Variants in GPRC5B observed in about 807,000 individuals in gnomAD.
GPRC5B encodes the protein G protein-coupled receptor class C group 5 member B, also known as G protein-coupled receptor family C group 5 member B.
Under a neutral mutation model 30.1 loss-of-function variants are expected in GPRC5B, and 16 were observed. That is an observed-to-expected ratio of 0.53 (90% CI 0.36 to 0.81). The LOEUF is 0.81. Ranked by LOEUF, GPRC5B falls within the 30% of genes least tolerant of loss-of-function variation. GPRC5B has a pLI of 0.01. For synonymous variants in GPRC5B, 241 were observed against 239.5 expected (o/e 1.01, Z -0.06); for missense variants, 428 against 544.7 (o/e 0.79, Z 2.13).
At chr16:19,883,738 C>T (rs578057413) in intron 1 of GPRC5B, among the ~76,000 whole-genome samples, 7 of 152,378 alleles carry the variant, frequency 4.6e-5, no homozygotes, top group Admixed American at 2.0e-4. Flanking sequence ...GAGCCGCCCC[C>T]TTAGCGAACG....
chr16:19,876,107 G>T (rs936092297), intron 1 of GPRC5B, among the ~76,000 whole-genome samples: 18 of 152,340 alleles, frequency 1.2e-4, no homozygotes, highest in African/African-American at 4.1e-4. Context: ...CAGCCCCAGG[G>T]TGGCTGGGAG....
intron 2 of GPRC5B, among the ~76,000 whole-genome samples, chr16:19,871,522 T>C (rs1044231504): frequency 3.9e-5 from 6 of 152,158 alleles, no homozygotes; most frequent in Admixed American, 2.6e-4. Context: ...CTTGGGAGGC[T>C]GAGACAGCAG....
rs1216204335 is a variant in GPRC5B, at chr16:19,872,104, C to T, written c.742G>A (p.Val248Met). The change falls in exon 2 of 4, where the codon GTG becomes ATG. Residue 248 changes from valine (V) to methionine (M), a missense_variant. By Grantham distance (21) the Val-to-Met change is conservative. Transcript: ENST00000300571. The surrounding 1 kb of genome is among the most constrained non-coding windows in gnomAD (Gnocchi z 5.0). ...AAGAGGTACATGGTCATCCAGGCCACCCAGATGAGCACAGAGAGGAAGGCT... is the reference window on the plus strand; with the variant it reads ...AAGAGGTACATGGTCATCCAGGCCATCCAGATGAGCACAGAGAGGAAGGCT... ...ITAFLSVLIW[V>M]AWMTMYLFGN... 8.7e-6 allele frequency: 14 copies of T among 1,614,128 alleles called. No homozygotes were observed. Among genetic ancestry groups the T allele is most frequent in the Non-Finnish European group, 1.2e-5 (14 of 1,180,010 alleles).
At position 19,872,958 on chromosome 16, in the gene GPRC5B, G is replaced by T. The variant is rs1597630267; in HGVS notation, c.-1-112C>A. 1 of 755,640 alleles carries T rather than the reference G, an allele frequency of 1.3e-6. No homozygotes were observed. Among genetic ancestry groups the T allele is most frequent in the Non-Finnish European group, 2.2e-6 (1 of 456,176 alleles). The allele number at this position is 755,640 out of a possible 1,614,324, so 46.8% of individuals were successfully genotyped here. On this transcript the variant is annotated intron_variant, in intron 1 of 3. Coordinates refer to ENST00000300571, the MANE Select transcript of GPRC5B (RefSeq NM_016235.3). The surrounding 1 kb of genome is among the most constrained non-coding windows in gnomAD (Gnocchi z 5.0). The stretch of plus-strand genomic sequence containing the variant: ...CTCGCCTCATTTCAAACCTGCAAGC[G>T]CACACGGCACCTTTGCACACATAGG...
In GPRC5B at chr16:19,871,914, G is replaced by A. The variant is rs1007062914; in HGVS notation, c.932C>T (p.Ser311Leu). ...GGCCGTCTCCCGCATCCTGGGCTGC[G>A]ACGTGTCGAAGTAGTTGGGCGTGTT... ...QENTPNYFDT[S>L]QPRMRETAFE... Residue 311 changes from serine (S) to leucine (L), a missense_variant, in exon 2 of 4, where the codon TCG becomes TTG. Around this residue, in one of 3 missense-constraint regions of GPRC5B, gnomAD observed 213 missense variants for 229.1 expected, o/e 0.93. Transcript: ENST00000300571. 27 of 1,613,920 alleles carry A rather than the reference G, an allele frequency of 1.7e-5. No individual in the cohort carries two copies. The Admixed American group carries it at 1.8e-4, about 11-fold the overall frequency.
At chr16:19,885,601 C>T (rs543340385), upstream of GPRC5B, 17 of 1,036,546 alleles carry the variant, frequency 1.6e-5, no homozygotes, top group African/African-American at 3.4e-5. This position sits in a 1 kb window ranked among gnomAD's most constrained non-coding sequence, Gnocchi z 5.3. Flanking sequence ...ACATCACCCA[C>T]GTACGCACAT....
chr16:19,864,663 A>G (rs2056652564), intron 2 of GPRC5B, among the ~76,000 whole-genome samples: 1 of 152,252 alleles, frequency 6.6e-6, no homozygotes, highest in South Asian at 2.1e-4. Context: ...AACTGGGCCA[A>G]CCATAGCTCC....
In GPRC5B at chr16:19,861,854, C is replaced by T. The variant is rs549155662; in HGVS notation, c.1150G>A (p.Val384Met). ...ATACTTACGGTCCCACCGTTGAGCA[C>T]GACGGCCATCTCAGTTGGCTGATAC... ...NVYQPTEMAV[V>M]LNGGTIPTAP... The change falls in exon 3 of 4, where the codon GTG becomes ATG. Residue 384 changes from valine (V) to methionine (M), a missense_variant. Around this residue, in one of 3 missense-constraint regions of GPRC5B, gnomAD observed 19 missense variants for 43.1 expected, o/e 0.44. Transcript: ENST00000300571. The T allele has an allele frequency of 1.2e-5, 20 of 1,613,464 alleles. No individual in the cohort carries two copies. In the South Asian group the frequency reaches 1.6e-4, roughly 13 times the overall value.
intron 2 of GPRC5B, among the ~76,000 whole-genome samples, chr16:19,870,976 G>GA (rs35934193): frequency 1.2e-4 from 18 of 146,776 alleles, no homozygotes; most frequent in South Asian, 4.4e-4. Context: ...AATTGGTAGG[G>GA]AAAAAAAAAA....
Position 19,858,217 on chromosome 16 carries a change from TCTCA to T in GPRC5B, c.*2279_*2282del, listed in dbSNP as rs1395051118. On this transcript the variant is annotated 3_prime_UTR_variant, in exon 4 of 4. Coordinates refer to ENST00000300571, the MANE Select transcript of GPRC5B (RefSeq NM_016235.3). Reference sequence around the variant, plus strand: ...AAAAGAACAGCTCTCTCCCTTCTCCTCTCACTCCCGCCTCCGCCCCCATTATGAA... The same window carrying T: ...AAAAGAACAGCTCTCTCCCTTCTCCTCTCCCGCCTCCGCCCCCATTATGAA... 2.9e-6 allele frequency: 1 copy of T among 342,750 alleles called. No individual in the cohort carries two copies. Among genetic ancestry groups the T allele is most frequent in the African/African-American group, 2.1e-5 (1 of 47,500 alleles). The allele number at this position is 342,750 out of a possible 1,614,324, so 21.2% of individuals were successfully genotyped here.
At chr16:19,877,849 C>T (rs1478966608) in intron 1 of GPRC5B, among the ~76,000 whole-genome samples, 2 of 152,160 alleles carry the variant, frequency 1.3e-5, no homozygotes, top group East Asian at 3.9e-4. Context: ...TTTTACTACA[C>T]ACTAGAGTCC....
Position 19,857,596 on chromosome 16 carries a change from C to G in GPRC5B, c.*2904G>C. 1 of 339,862 alleles carries G rather than the reference C, an allele frequency of 2.9e-6. No individual in the cohort carries two copies. The highest frequency in any genetic ancestry group is 5.5e-6 in the Non-Finnish European group (1 of 180,984). 21.1% of individuals were successfully genotyped at this position (339,862 alleles called of 1,614,324 possible). ...AGCACCTGCTGAGAACTCCTGTAAG[C>G]TGGTATCATCATTGCATCATTGGAT... On this transcript the variant is annotated 3_prime_UTR_variant, in exon 4 of 4. Coordinates refer to ENST00000300571, the MANE Select transcript of GPRC5B (RefSeq NM_016235.3).
intron 3 of GPRC5B, 52 bp downstream of exon 3, chr16:19,861,785 G>A (rs2074427): frequency 0.085 from 131,051 of 1,544,466 alleles, 7,923 homozygotes; most frequent in East Asian, 0.24. Context: ...GCTGCTCCCC[G>A]ACACCGTAGA....
intron 2 of GPRC5B, among the ~76,000 whole-genome samples, chr16:19,871,272 A>G (rs1437412183): frequency 2.6e-5 from 3 of 116,772 alleles, no homozygotes; most frequent in Non-Finnish European, 5.2e-5. Context: ...ACAGAACAAG[A>G]CCCTGTCTCA....
chr16:19,876,029 A>C (rs1307379605), intron 1 of GPRC5B, among the ~76,000 whole-genome samples: 1 of 152,198 alleles, frequency 6.6e-6, no homozygotes, highest in Non-Finnish European at 1.5e-5. Flanking sequence ...ATCAATGGCC[A>C]GCTCAGTTAA....
At position 19,872,536 on chromosome 16, in the gene GPRC5B, G is replaced by C. The variant is rs1364039186; in HGVS notation, c.310C>G (p.Leu104Val). The C allele has an allele frequency of 1.9e-6, 3 of 1,613,938 alleles. No homozygotes were observed. The highest frequency in any genetic ancestry group is 3.3e-5 in the Admixed American group (2 of 60,004). ...GCAAACGTCAGCCCAAAGAGGCCCA[G>C]GGTCCCCAGGAGGAACAGAAAGTGG... ...GLHFLFLLGTLGLFGLTFAFI... is the reference protein window; with the variant it reads ...GLHFLFLLGTVGLFGLTFAFI... The change falls in exon 2 of 4, where the codon CTG (leucine) becomes GTG (valine). Residue 104 changes from leucine (L) to valine (V), a missense_variant. Transcript: ENST00000300571. The surrounding 1 kb of genome is among the most constrained non-coding windows in gnomAD (Gnocchi z 5.0).
intron 1 of GPRC5B, among the ~76,000 whole-genome samples, chr16:19,877,387 G>A (rs1233014744): frequency 2.6e-5 from 4 of 152,178 alleles, no homozygotes; most frequent in Non-Finnish European, 5.9e-5. Flanking sequence ...GCACACAGAT[G>A]CAACTGATGG....
intron 1 of GPRC5B, among the ~76,000 whole-genome samples, chr16:19,879,880 T>A (rs2056790552): frequency 6.6e-6 from 1 of 152,136 alleles, no homozygotes; most frequent in South Asian, 2.1e-4. Flanking sequence ...ACACCTGTAA[T>A]CCCAGCACTT....
intron 1 of GPRC5B, among the ~76,000 whole-genome samples, chr16:19,875,725 G>A (rs917216002): frequency 2.6e-5 from 4 of 152,098 alleles, no homozygotes; most frequent in African/African-American, 7.2e-5. Context: ...GTTTCAGTGC[G>A]CCAAGATCTT....
Sources: gnomAD v4.1 joint callset for allele counts (sites outside exome capture counted in the v4.1 genomes callset) on GRCh38, gnomAD v4.1.1 for gene constraint, gnomAD v4.1.1 regional missense constraint, Gnocchi (gnomAD v3.1) non-coding constraint, MANE v1.5 for transcripts, NCBI Gene and HGNC (gene_info 2026-07-23, HGNC 2026-07-21) for gene names.